Variants in RTL4 observed in about 807,000 individuals in gnomAD.
RTL4 encodes the protein retrotransposon Gag like 4, also known as retrotransposon Gag-like protein 4.
Under a neutral mutation model 5.3 loss-of-function variants are expected in RTL4, and 4 were observed. The observed-to-expected ratio is 0.75, with a 90% CI of 0.37 to 1.72. The LOEUF is 1.72. Ranked by LOEUF, RTL4 falls within the 40% of genes most tolerant of loss-of-function variation. The probability of loss-of-function intolerance (pLI) is 0.04; values close to 1 mark genes in which losing one functional copy is unlikely to be tolerated. For synonymous variants in RTL4, 98 were observed against 87.3 expected (o/e 1.12, Z -0.68); for missense variants, 260 against 227.1 (o/e 1.14, Z -0.93).
chrX:112,206,803 A>T, the RTL4 span, among the ~76,000 whole-genome samples: 3 of 112,105 alleles, frequency 2.7e-5, no homozygotes, highest in Non-Finnish European at 5.6e-5. Flanking sequence ...TGCTCAAAAC[A>T]TAATTCAGTT....
At chrX:112,172,326 A>C in the RTL4 span, among the ~76,000 whole-genome samples, 4 of 111,809 alleles carry the variant, frequency 3.6e-5, no homozygotes, top group African/African-American at 1.3e-4. Context: ...CTCTGTCAAA[A>C]AAAAATGGGC....
the RTL4 span, among the ~76,000 whole-genome samples, chrX:112,373,744 C>A: frequency 9.1e-6 from 1 of 109,701 alleles, no homozygotes; most frequent in Non-Finnish European, 1.9e-5. Flanking sequence ...ATTTTTAACA[C>A]TTCAAAAAAT....
At chrX:112,085,814 G>C in the RTL4 span, among the ~76,000 whole-genome samples, 1 of 111,966 alleles carries the variant, frequency 8.9e-6, no homozygotes, top group East Asian at 2.8e-4. Flanking sequence ...GCATTGAACA[G>C]AGTCTCAGAA....
At chrX:112,281,589 T>C in the RTL4 span, among the ~76,000 whole-genome samples, 2 of 111,595 alleles carry the variant, frequency 1.8e-5, no homozygotes, top group Non-Finnish European at 3.8e-5. Flanking sequence ...ATGACTCTAC[T>C]AATTTACATT....
the RTL4 span, among the ~76,000 whole-genome samples, chrX:112,276,327 G>A: frequency 9.0e-6 from 1 of 111,569 alleles, no homozygotes; most frequent in East Asian, 2.8e-4. Context: ...CCCAAAGTGT[G>A]TTATGTGTAA....
chrX:112,436,043 C>T, the RTL4 span, among the ~76,000 whole-genome samples: 1 of 111,024 alleles, frequency 9.0e-6, no homozygotes, highest in Non-Finnish European at 1.9e-5. Context: ...ATGGTGAAAC[C>T]CCCTCTCTAC....
At chrX:112,253,220 A>G in the RTL4 span, among the ~76,000 whole-genome samples, 27 of 111,119 alleles carry the variant, frequency 2.4e-4, no homozygotes, top group African/African-American at 8.5e-4. Context: ...TACCTCTGGT[A>G]TTTTCTCAGA....
At chrX:112,408,820 C>G in the RTL4 span, among the ~76,000 whole-genome samples, 1 of 112,425 alleles carries the variant, frequency 8.9e-6, no homozygotes, top group African/African-American at 3.2e-5. Flanking sequence ...TGGCAGCAGA[C>G]TTTTCAGTGG....
the RTL4 span, among the ~76,000 whole-genome samples, chrX:112,223,907 C>T: frequency 2.7e-5 from 3 of 112,149 alleles, no homozygotes; most frequent in Non-Finnish European, 5.6e-5. Flanking sequence ...TCTTCCTTTT[C>T]ATGTAGTGAT....
the RTL4 span, among the ~76,000 whole-genome samples, chrX:112,153,989 T>G: frequency 9.0e-6 from 1 of 111,209 alleles, no homozygotes; most frequent in Admixed American, 9.6e-5. Flanking sequence ...TACTTGGTGG[T>G]GTCCACAGGC....
chrX:112,266,813 A>G, the RTL4 span, among the ~76,000 whole-genome samples: 9 of 111,314 alleles, frequency 8.1e-5, no homozygotes, highest in Non-Finnish European at 7.5e-5. Context: ...TATGACAGTC[A>G]TTCTGTTTGA....
the RTL4 span, among the ~76,000 whole-genome samples, chrX:112,260,163 T>C: frequency 8.9e-6 from 1 of 111,857 alleles, no homozygotes; most frequent in Non-Finnish European, 1.9e-5. Flanking sequence ...CAACAATTTA[T>C]CTAGGGCTGG....
At chrX:112,357,453 G>C in the RTL4 span, among the ~76,000 whole-genome samples, 1 of 111,434 alleles carries the variant, frequency 9.0e-6, no homozygotes, top group Admixed American at 9.6e-5. Context: ...TCTTTAACCA[G>C]AAAAGAAGAT....
the RTL4 span, among the ~76,000 whole-genome samples, chrX:112,138,174 A>G: frequency 8.9e-6 from 1 of 112,597 alleles, no homozygotes; most frequent in Non-Finnish European, 1.9e-5. Context: ...TACTACTTAT[A>G]TGATACTGCT....
the RTL4 span, among the ~76,000 whole-genome samples, chrX:112,232,715 C>T: frequency 8.9e-6 from 1 of 111,843 alleles, no homozygotes; most frequent in Admixed American, 9.5e-5. Flanking sequence ...CTGGAGTGGG[C>T]TTTCCTGAAT....
At chrX:112,150,008 A>G in the RTL4 span, among the ~76,000 whole-genome samples, 5 of 111,228 alleles carry the variant, frequency 4.5e-5, no homozygotes, top group African/African-American at 9.8e-5. Context: ...TTGTTTCTAG[A>G]TAGAGGGAGC....
chrX:112,368,832 C>T, the RTL4 span, among the ~76,000 whole-genome samples: 2 of 112,061 alleles, frequency 1.8e-5, no homozygotes, highest in Non-Finnish European at 3.8e-5. Flanking sequence ...GGAAGATTCT[C>T]TTTCGTGGAC....
chrX:112,136,200 ATTTG>A, the RTL4 span, among the ~76,000 whole-genome samples: 5 of 111,632 alleles, frequency 4.5e-5, no homozygotes, highest in Admixed American at 9.6e-5. Context: ...ACTTTACTGA[ATTTG>A]TTTATTTGTT....
At chrX:112,169,026 C>CTTTTTCTTTCTTTCTTTCTTTCTT in the RTL4 span, among the ~76,000 whole-genome samples, 7 of 49,062 alleles carry the variant, frequency 1.4e-4, no homozygotes, top group African/African-American at 5.6e-4. Flanking sequence ...CTTTCTCTTT[C>CTTTTTCTTTCTTTCTTTCTTTCTT]TCTTTCTTTC....
Sources: allele counts gnomAD v4.1 joint callset (sites outside exome capture counted in the v4.1 genomes callset), GRCh38; gene constraint gnomAD v4.1.1; transcripts MANE v1.5; gene names NCBI Gene and HGNC (gene_info 2026-07-23, HGNC 2026-07-21).